GSTCD: variants seen among roughly 807,000 people sequenced by gnomAD.
The protein encoded by GSTCD is glutathione S-transferase C-terminal domain-containing protein.
Under a neutral mutation model 68.3 loss-of-function variants are expected in GSTCD, and 44 were observed. The ratio of observed to expected loss-of-function variants is 0.64; its 90% CI spans 0.51 to 0.83. The LOEUF (loss-of-function observed/expected upper bound fraction) is 0.83, where lower values mean the gene tolerates loss of function less well. Among genes scored for constraint, GSTCD ranks in the 40% least tolerant of loss-of-function variants. The pLI is 0.00. For missense variants in GSTCD, 739 were observed against 735.9 expected, an observed-to-expected ratio of 1.00 and a Z score of -0.05; for synonymous variants, 273 against 255.2, an observed-to-expected ratio of 1.07 and a Z score of -0.67.
chr4:105,758,171 G>C (rs529533002), intron 5 of GSTCD, among the ~76,000 whole-genome samples: 1 of 152,288 alleles, frequency 6.6e-6, no homozygotes, highest in East Asian at 1.9e-4. Context: ...ATATTTTGCT[G>C]AACTAACTGC....
At chr4:105,782,902 T>C (rs564224512) in intron 5 of GSTCD, among the ~76,000 whole-genome samples, 2 of 152,348 alleles carry the variant, frequency 1.3e-5, no homozygotes, top group African/African-American at 4.8e-5. Flanking sequence ...AATTATTGTG[T>C]TTGTGTACAT....
intron 5 of GSTCD, among the ~76,000 whole-genome samples, chr4:105,772,562 A>C (rs773172600): frequency 5.3e-5 from 8 of 152,192 alleles, no homozygotes; most frequent in Non-Finnish European, 8.8e-5. Flanking sequence ...TGTTTTTAGC[A>C]TGAAGTGGTG....
rs1724593705 is a variant in GSTCD, at chr4:105,847,429, T to G, written c.*1852T>G. On this transcript the variant is annotated 3_prime_UTR_variant, in exon 12 of 12. Coordinates refer to ENST00000515279, the MANE Select transcript of GSTCD (RefSeq NM_001370181.1). ...ACAACATGCTCTTTTATTGTGGACTTTCTTCTTTTAAGTGAGGTTTAATTT... is the reference window on the plus strand; with the variant it reads ...ACAACATGCTCTTTTATTGTGGACTGTCTTCTTTTAAGTGAGGTTTAATTT... The G allele has an allele frequency of 6.6e-6, 1 of 152,230 alleles. No individual in the cohort carries two copies. The allele number at this position is 152,230 out of a possible 1,614,324, so 9.4% of individuals were successfully genotyped here.
intron 1 of GSTCD, among the ~76,000 whole-genome samples, chr4:105,716,204 C>T (rs1732674953): frequency 6.6e-6 from 1 of 151,860 alleles, no homozygotes; most frequent in Non-Finnish European, 1.5e-5. Flanking sequence ...TAGCAATAAG[C>T]GCTAGGAAGA....
At chr4:105,822,871 T>C (rs1723376114) in intron 5 of GSTCD, 83 bp from the exon 6 acceptor site, 3 of 897,306 alleles carry the variant, frequency 3.3e-6, no homozygotes, top group Non-Finnish European at 5.5e-6. Flanking sequence ...TCCTCCTCTA[T>C]GCTGGTAGTC....
chr4:105,804,430 T>G (rs891926015), intron 5 of GSTCD, among the ~76,000 whole-genome samples: 5 of 152,122 alleles, frequency 3.3e-5, no homozygotes, highest in African/African-American at 1.2e-4. Context: ...AACATTGTGT[T>G]AAATTTTAGA....
rs1724529585 is a variant in GSTCD at position 105,845,916 on chromosome 4, T to G, written c.*339T>G. The G allele has an allele frequency of 1.4e-5, 3 of 218,908 alleles. No homozygotes were observed. The East Asian group carries it at 2.7e-4, about 20-fold the overall frequency. The allele number at this position is 218,908 out of a possible 1,614,324, so 13.6% of individuals were successfully genotyped here. The stretch of plus-strand genomic sequence containing the variant: ...TGATCTTGCCAATGTGATGTTTAAT[T>G]CAAAACAGCGCACTTACAGCCTTTA... On this transcript the variant is annotated 3_prime_UTR_variant, in exon 12 of 12. Coordinates refer to ENST00000515279, the MANE Select transcript of GSTCD (RefSeq NM_001370181.1).
intron 11 of GSTCD, among the ~76,000 whole-genome samples, chr4:105,843,277 G>A (rs1035972994): frequency 1.3e-5 from 2 of 152,134 alleles, no homozygotes; most frequent in African/African-American, 2.4e-5. Context: ...TAAACATTTG[G>A]AAAGAACTCA....
intron 5 of GSTCD, among the ~76,000 whole-genome samples, chr4:105,734,735 C>G (rs1307294755): frequency 2.0e-5 from 3 of 152,164 alleles, no homozygotes. Context: ...AGCTGCATTC[C>G]TTTGGAGGGG....
intron 5 of GSTCD, among the ~76,000 whole-genome samples, chr4:105,778,541 C>CTAAGGCA (rs1735157980): frequency 6.6e-6 from 1 of 151,980 alleles, no homozygotes; most frequent in Admixed American, 6.6e-5. Flanking sequence ...AAGTTGTCAG[C>CTAAGGCA]TGTTAAGGAT....
intron 5 of GSTCD, among the ~76,000 whole-genome samples, chr4:105,796,954 T>C (rs1735911865): frequency 6.6e-6 from 1 of 152,110 alleles, no homozygotes; most frequent in African/African-American, 2.4e-5. Flanking sequence ...CTAACTCCAT[T>C]TCTTCTGAGG....
At chr4:105,775,339 T>A (rs1735012107) in intron 5 of GSTCD, among the ~76,000 whole-genome samples, 1 of 152,336 alleles carries the variant, frequency 6.6e-6, no homozygotes, top group East Asian at 1.9e-4. Flanking sequence ...GCCTTCTGAA[T>A]CCTACTTCTG....
intron 5 of GSTCD, among the ~76,000 whole-genome samples, chr4:105,781,427 A>G (rs1160249242): frequency 1.4e-5 from 2 of 142,368 alleles, no homozygotes; most frequent in African/African-American, 5.2e-5. Flanking sequence ...TTTTTTTTTT[A>G]AAGTTTTTGT....
chr4:105,791,830 C>T (rs1467920876), intron 5 of GSTCD, among the ~76,000 whole-genome samples: 2 of 152,050 alleles, frequency 1.3e-5, no homozygotes, highest in Non-Finnish European at 2.9e-5. Flanking sequence ...GCTTTACAAA[C>T]TTTCACTTTT....
At position 105,834,502 on chromosome 4, in the gene GSTCD, T is replaced by G. The variant is rs1462583793; in HGVS notation, c.1572T>G (p.Ile524Met). 1 of 1,614,040 alleles carries G rather than the reference T, an allele frequency of 6.2e-7. No homozygotes were observed. Among genetic ancestry groups the G allele is most frequent in the Non-Finnish European group, 8.5e-7 (1 of 1,179,998 alleles). Residue 524 changes from isoleucine (I) to methionine (M), a missense_variant, in exon 9 of 12, where the codon ATT (isoleucine) becomes ATG (methionine). Transcript: ENST00000515279. ...GTGGAGTGGCAACAGACATGGTGATTGAGCACTGTATCAAAACACGGGCTT... is the reference window on the plus strand; with the variant it reads ...GTGGAGTGGCAACAGACATGGTGATGGAGCACTGTATCAAAACACGGGCTT... ...HACGVATDMV[I>M]EHCIKTRASF...
intron 5 of GSTCD, among the ~76,000 whole-genome samples, chr4:105,780,181 G>A (rs1413862817): frequency 6.6e-6 from 1 of 152,128 alleles, no homozygotes; most frequent in African/African-American, 2.4e-5. Flanking sequence ...GTCAAAGATG[G>A]TATCCTCACC....
At chr4:105,715,190 C>G (rs1488807989) in intron 1 of GSTCD, among the ~76,000 whole-genome samples, 1 of 152,046 alleles carries the variant, frequency 6.6e-6, no homozygotes, top group Non-Finnish European at 1.5e-5. Flanking sequence ...GTGGTTGGTC[C>G]TTTTTGCCCT....
intron 5 of GSTCD, among the ~76,000 whole-genome samples, chr4:105,770,216 T>A (rs1001167087): frequency 2.0e-5 from 3 of 152,230 alleles, no homozygotes; most frequent in Admixed American, 1.3e-4. Context: ...TTCAGCACGT[T>A]TATAGCTGCT....
rs528213023 is a variant in GSTCD, at chr4:105,816,439, A to T, written c.1241-6515A>T. 2.0e-5 allele frequency among the ~76,000 whole-genome samples: 3 copies of T among 152,236 alleles called. No individual in the cohort carries two copies. The Middle Eastern group carries it at 0.01, about 518-fold the overall frequency. ...CTGGAAAGGGTGAGACCCAAAGGTC[A>T]GTTCATTAAACAGAGTGACTTAGGA... On this transcript the variant is annotated intron_variant, in intron 5 of 11. Coordinates refer to ENST00000515279, the MANE Select transcript of GSTCD (RefSeq NM_001370181.1).
Sources: gnomAD v4.1 joint callset for allele counts (sites outside exome capture counted in the v4.1 genomes callset) on GRCh38, gnomAD v4.1.1 for gene constraint, MANE v1.5 for transcripts, NCBI Gene and HGNC (gene_info 2026-07-23, HGNC 2026-07-21) for gene names.